The following SIGLEC6 variants were observed in gnomAD, a reference collection of about 807,000 sequenced individuals.
The protein encoded by SIGLEC6 is sialic acid binding Ig like lectin 6, also known as sialic acid-binding Ig-like lectin 6.
SIGLEC6 carries 31 observed loss-of-function variants against 41.4 expected under a neutral mutation model. That is an observed-to-expected ratio of 0.75 (90% CI 0.56 to 1.01). SIGLEC6 has a LOEUF of 1.01. SIGLEC6 is among the 50% of genes least tolerant of loss of function. SIGLEC6 has a pLI of 0.00. For synonymous variants in SIGLEC6, 217 were observed against 231.0 expected, an observed-to-expected ratio of 0.94 and a Z score of 0.55; for missense variants, 555 against 558.6, an observed-to-expected ratio of 0.99 and a Z score of 0.06.
At chr19:51,525,519 C>T (rs1979068104) in intron 7 of SIGLEC6, among the ~76,000 whole-genome samples, 1 of 151,818 alleles carries the variant, frequency 6.6e-6, no homozygotes, top group African/African-American at 2.4e-5. Flanking sequence ...AGCTGCCCTG[C>T]CCCCACCTGA....
In SIGLEC6 at chr19:51,529,881, G is replaced by A. The variant is rs772960282; in HGVS notation, c.855C>T (p.Ser285=). 41 of 1,614,048 alleles carry A rather than the reference G, an allele frequency of 2.5e-5. No homozygotes were observed. The highest frequency in any genetic ancestry group is 1.1e-4 in the African/African-American group (8 of 74,932). Residue 285 remains serine (S), a synonymous_variant, in exon 5 of 8, where the codon AGC becomes AGT. Transcript: ENST00000425629. ...DADGNPPAHL[S]WFQGFPALNA... ...TCAGGGCGGGGAAGCCCTGGAACCA[G>A]CTCAGGTGTGCAGGGGGGTTGCCGT...
rs1443540011 is a variant in SIGLEC6 at position 51,518,898 on chromosome 19, G to A, written c.*1184C>T. On this transcript the variant is annotated 3_prime_UTR_variant, in exon 8 of 8. Transcript: ENST00000425629. ...TGGAAACCTTATTTTGGGGAGTCGTGAAGAGTTCTGAACAGGGGGTGACAC... is the reference window on the plus strand; with the variant it reads ...TGGAAACCTTATTTTGGGGAGTCGTAAAGAGTTCTGAACAGGGGGTGACAC... 6.6e-6 allele frequency among the ~76,000 whole-genome samples: 1 copy of A among 152,138 alleles called. No individual in the cohort carries two copies. The highest frequency in any genetic ancestry group is 2.4e-5 in the African/African-American group (1 of 41,428).
chr19:51,529,718 A>G lies in SIGLEC6; in HGVS notation c.1012+6T>C, dbSNP rs1357184472. On this transcript the variant is annotated splice_donor_region_variant and intron_variant, in intron 5 of 7. Transcript: ENST00000425629. ...CACACTCTCGCGCACCTCCCCCCAC[A>G]CTCACAATGCACAAAGAGACTCAGA... 6.2e-7 allele frequency: 1 copy of G among 1,613,784 alleles called. No homozygotes were observed. The highest frequency in any genetic ancestry group is 1.3e-5 in the African/African-American group (1 of 74,840).
Position 51,518,137 on chromosome 19 carries a change from A to T in SIGLEC6, c.*1945T>A, listed in dbSNP as rs1269315476. 1.3e-5 allele frequency among the ~76,000 whole-genome samples: 2 copies of T among 152,220 alleles called. No homozygotes were observed. Among genetic ancestry groups the T allele is most frequent in the Non-Finnish European group, 2.9e-5 (2 of 68,040 alleles). ...TTATTTGAGAAATCTTTTCTTTATT[A>T]ACACTCACATATTTTGGTTTTCCTT... On this transcript the variant is annotated 3_prime_UTR_variant, in exon 8 of 8. Coordinates refer to ENST00000425629, the MANE Select transcript of SIGLEC6 (RefSeq NM_001245.7).
At chr19:51,521,605 G>A (rs1000175149) in intron 7 of SIGLEC6, among the ~76,000 whole-genome samples, 5 of 152,096 alleles carry the variant, frequency 3.3e-5, no homozygotes, top group African/African-American at 1.2e-4. Context: ...ATAACAGGTG[G>A]AAATTGCCTC....
Position 51,519,988 on chromosome 19 carries a change from C to G in SIGLEC6, c.*94G>C. On this transcript the variant is annotated 3_prime_UTR_variant, in exon 8 of 8. Transcript: ENST00000425629. The stretch of plus-strand genomic sequence containing the variant: ...AATAAAGTTCTGTGTTTATGTCACT[C>G]GGTTTGTGGTACATTGCTGTGGCAG... The G allele has an allele frequency of 9.4e-7, 1 of 1,067,810 alleles. No individual in the cohort carries two copies. The highest frequency in any genetic ancestry group is 1.3e-6 in the Non-Finnish European group (1 of 759,644). 66.1% of individuals were successfully genotyped at this position (1,067,810 alleles called of 1,614,324 possible).
Position 51,519,072 on chromosome 19 carries a change from G to C in SIGLEC6, c.*1010C>G, listed in dbSNP as rs1990710403. On this transcript the variant is annotated 3_prime_UTR_variant, in exon 8 of 8. Coordinates refer to ENST00000425629, the MANE Select transcript of SIGLEC6 (RefSeq NM_001245.7). ...GCACTTTGGGAGGCCGAGGAGGGCA[G>C]ATCACGAGGTCAGGAGATCAAGACC... is the stretch of plus-strand genomic sequence containing the variant. Among the ~76,000 whole-genome samples the C allele has an allele frequency of 6.6e-6, 1 of 152,062 alleles. No homozygotes were observed. Among genetic ancestry groups the C allele is most frequent in the African/African-American group, 2.4e-5 (1 of 41,396 alleles).
intron 5 of SIGLEC6, 96 bp downstream of exon 5, chr19:51,529,628 G>A: frequency 1.3e-6 from 2 of 1,516,598 alleles, no homozygotes; most frequent in Non-Finnish European, 1.8e-6. Context: ...AGGGGTCTGG[G>A]GAGGGAGGAC....
rs1435235146 is a variant in SIGLEC6, at chr19:51,519,203, G to A, written c.*879C>T. 6.8e-6 allele frequency among the ~76,000 whole-genome samples: 1 copy of A among 145,988 alleles called. No individual in the cohort carries two copies. Among genetic ancestry groups the A allele is most frequent in the African/African-American group, 2.5e-5 (1 of 39,464 alleles). ...CCAGCTACTTGGGAGGCTGAGGCAG[G>A]AGAATGGTGTGAACCCAGGGGGCGA... On this transcript the variant is annotated 3_prime_UTR_variant, in exon 8 of 8. Transcript: ENST00000425629.
chr19:51,522,683 C>T (rs533809423), intron 7 of SIGLEC6, among the ~76,000 whole-genome samples: 14 of 151,738 alleles, frequency 9.2e-5, no homozygotes, highest in African/African-American at 2.2e-4. Context: ...CCCGACTACT[C>T]GGGAGTCTGA....
chr19:51,529,480 G>T, intron 5 of SIGLEC6: 2 of 545,204 alleles, frequency 3.7e-6, no homozygotes, highest in East Asian at 3.2e-5. Flanking sequence ...GGTCCGGCTG[G>T]CTGGGGGTGA....
chr19:51,529,565 A>ACTGCAGTGGCTCCTCC, intron 5 of SIGLEC6, 159 bp downstream of exon 5: 9 of 833,918 alleles, frequency 1.1e-5, no homozygotes, highest in Non-Finnish European at 1.5e-5. Flanking sequence ...GGGAGGAGCC[A>ACTGCAGTGGCTCCTCC]CTGCAGTGTG....
intron 5 of SIGLEC6, among the ~76,000 whole-genome samples, chr19:51,528,752 G>A (rs1979660646): frequency 6.6e-6 from 1 of 152,018 alleles, no homozygotes; most frequent in Admixed American, 6.6e-5. Context: ...GGAGGCCAAG[G>A]CTAGCAGATC....
chr19:51,531,039 T>A (rs1980234211), intron 2 of SIGLEC6, 80 bp from the exon 3 acceptor site: 1 of 1,577,904 alleles, frequency 6.3e-7, no homozygotes, highest in South Asian at 1.1e-5. Context: ...CTGGTCCAGC[T>A]CCTTCTCTGA....
At position 51,531,471 on chromosome 19, in the gene SIGLEC6, A is replaced by G; in HGVS notation, c.116T>C (p.Leu39Pro). 1 of 1,614,030 alleles carries G rather than the reference A, an allele frequency of 6.2e-7. No individual in the cohort carries two copies. Among genetic ancestry groups the G allele is most frequent in the Non-Finnish European group, 8.5e-7 (1 of 1,179,950 alleles). Reference sequence around the variant, plus strand: ...GACGCACAGACCCTCCTGCACCGTCAGTGACTCTGGCCCCTCCAGCTGGAA... The same window carrying G: ...GACGCACAGACCCTCCTGCACCGTCGGTGACTCTGGCCCCTCCAGCTGGAA... ...RRFQLEGPES[L>P]TVQEGLCVLV... The change falls in exon 2 of 8, where the codon CTG becomes CCG. Residue 39 changes from leucine (L) to proline (P), a missense_variant. Transcript: ENST00000425629.
intron 7 of SIGLEC6, among the ~76,000 whole-genome samples, chr19:51,527,456 A>G (rs1979421210): frequency 6.6e-6 from 1 of 152,170 alleles, no homozygotes; most frequent in African/African-American, 2.4e-5. Flanking sequence ...ATAAGAAAAG[A>G]CTAATATTCC....
intron 5 of SIGLEC6, 57 bp downstream of exon 5, chr19:51,529,667 T>A (rs1443180149): frequency 6.2e-7 from 1 of 1,606,588 alleles, no homozygotes; most frequent in African/African-American, 1.3e-5. Context: ...CTTCTCTGAA[T>A]ACTATGGAGC....
rs749826117 is a variant in SIGLEC6, at chr19:51,530,553, A to G, written c.707-69T>C. On this transcript the variant is annotated intron_variant, in intron 3 of 7. Transcript: ENST00000425629. ...ATGGTAGGCATGGGGCCTTCCCCTC[A>G]GGAGCCATGAAAACAGGGAAAGGGG... 350 of 1,608,806 alleles carry G rather than the reference A, an allele frequency of 2.2e-4. 1 individual carries two copies. The highest frequency in any genetic ancestry group is 2.6e-4 in the Non-Finnish European group (310 of 1,176,406).
In SIGLEC6 at chr19:51,518,179, A is replaced by G. The variant is rs994075381; in HGVS notation, c.*1903T>C. Among the ~76,000 whole-genome samples, 2 of 152,158 alleles carry G rather than the reference A, an allele frequency of 1.3e-5. No homozygotes were observed. Among genetic ancestry groups the G allele is most frequent in the African/African-American group, 4.8e-5 (2 of 41,424 alleles). On this transcript the variant is annotated 3_prime_UTR_variant, in exon 8 of 8. Coordinates refer to ENST00000425629, the MANE Select transcript of SIGLEC6 (RefSeq NM_001245.7). ...GTTTTCCTTAAAATATCTATATTTCACTTTCAGTCTTAAAATGTGTTTTCA... is the reference window on the plus strand; with the variant it reads ...GTTTTCCTTAAAATATCTATATTTCGCTTTCAGTCTTAAAATGTGTTTTCA...
Sources: allele counts gnomAD v4.1 joint callset (sites outside exome capture counted in the v4.1 genomes callset), GRCh38; gene constraint gnomAD v4.1.1; transcripts MANE v1.5; gene names NCBI Gene and HGNC (gene_info 2026-07-23, HGNC 2026-07-21).